Variants in MEGF11 observed in about 807,000 individuals in gnomAD.
MEGF11 encodes multiple epidermal growth factor-like domains protein 11.
A neutral mutation model predicts 146.6 loss-of-function variants in MEGF11; 126 were observed. The ratio of observed to expected loss-of-function variants is 0.86; its 90% CI spans 0.74 to 1.00. The LOEUF is 1.00. Ranked by LOEUF, MEGF11 falls within the 50% of genes least tolerant of loss-of-function variation. The probability of loss-of-function intolerance (pLI) is 0.00; values close to 1 mark genes in which losing one functional copy is unlikely to be tolerated. For missense variants in MEGF11, 1,509 were observed against 1,521.2 expected (o/e 0.99, Z 0.13); for synonymous variants, 532 against 583.4 (o/e 0.91, Z 1.27).
intron 2 of MEGF11, among the ~76,000 whole-genome samples, chr15:66,125,437 G>C (rs778092184): frequency 5.9e-5 from 9 of 152,186 alleles, no homozygotes; most frequent in Admixed American, 2.0e-4. Flanking sequence ...AGGATGAATG[G>C]GGAGCGTGCA....
chr15:66,005,495 T>C lies in MEGF11; in HGVS notation c.395-23007A>G, dbSNP rs146660908. On this transcript the variant is annotated intron_variant, in intron 5 of 25. Coordinates refer to ENST00000395614, the MANE Select transcript of MEGF11 (RefSeq NM_001385028.1). Reference sequence around the variant, plus strand: ...GATTCGTGCTCCAGTAAGTATGCAGTGGAACGATCTCTCAAGGTGGGAAGC... The same window carrying C: ...GATTCGTGCTCCAGTAAGTATGCAGCGGAACGATCTCTCAAGGTGGGAAGC... Among the ~76,000 whole-genome samples the C allele has an allele frequency of 2.5e-3, 382 of 152,322 alleles. 1 individual carries two copies. Among genetic ancestry groups the C allele is most frequent in the African/African-American group, 8.8e-3 (366 of 41,562 alleles).
At chr15:66,173,346 G>C (rs759349328) in intron 1 of MEGF11, among the ~76,000 whole-genome samples, 3 of 151,896 alleles carry the variant, frequency 2.0e-5, no homozygotes, top group Admixed American at 2.0e-4. Flanking sequence ...ATGGAGTCTC[G>C]CTCTTGTGGC....
At chr15:66,232,924 C>T (rs1489279557) in intron 1 of MEGF11, among the ~76,000 whole-genome samples, 1 of 152,196 alleles carries the variant, frequency 6.6e-6, no homozygotes, top group African/African-American at 2.4e-5. Flanking sequence ...TGTCACACTA[C>T]TAGGTGAGTG....
At chr15:65,909,635 T>C in intron 22 of MEGF11, 105 bp downstream of exon 22, 1 of 1,147,318 alleles carries the variant, frequency 8.7e-7, no homozygotes, top group Admixed American at 2.2e-5. Context: ...GGGGAAACCA[T>C]GTTCAGAACT....
At chr15:66,097,018 A>G (rs1485975443) in intron 4 of MEGF11, among the ~76,000 whole-genome samples, 1 of 152,186 alleles carries the variant, frequency 6.6e-6, no homozygotes, top group East Asian at 1.9e-4. Context: ...CTTCGGGGTC[A>G]GTTTCTGTGC....
At chr15:66,145,970 T>C (rs903979691) in intron 1 of MEGF11, among the ~76,000 whole-genome samples, 4 of 152,226 alleles carry the variant, frequency 2.6e-5, no homozygotes, top group Non-Finnish European at 5.9e-5. Context: ...GGGCGCACAG[T>C]AAACAGAAGC....
chr15:66,049,877 C>A (rs1286543113), intron 5 of MEGF11, among the ~76,000 whole-genome samples: 1 of 152,206 alleles, frequency 6.6e-6, no homozygotes, highest in East Asian at 1.9e-4. Context: ...GCGTCTAGCC[C>A]AGCCAGGGCC....
intron 5 of MEGF11, among the ~76,000 whole-genome samples, chr15:66,082,499 ATC>A (rs1567232396): frequency 1.5e-4 from 21 of 136,302 alleles, no homozygotes; most frequent in East Asian, 4.2e-4. Flanking sequence ...CTATCTATCT[ATC>A]TATCTATCTA....
chr15:65,930,972 CA>C, intron 10 of MEGF11, 29 bp from the exon 11 acceptor site: 1 of 1,544,756 alleles, frequency 6.5e-7, no homozygotes, highest in East Asian at 2.4e-5. Flanking sequence ...AATTTTGGAT[CA>C]AAGGTTGCTC....
At chr15:65,909,159 G>A (rs1317756889) in intron 22 of MEGF11, 24 bp from the exon 23 acceptor site, 2 of 1,459,516 alleles carry the variant, frequency 1.4e-6, no homozygotes. Context: ...TGACAGGGAG[G>A]AGCCATTATT....
At chr15:66,222,375 C>T (rs547489886) in intron 1 of MEGF11, among the ~76,000 whole-genome samples, 1 of 152,136 alleles carries the variant, frequency 6.6e-6, no homozygotes, top group South Asian at 2.1e-4. Context: ...TTCCTCAAAC[C>T]TACTCTCCCC....
intron 8 of MEGF11, among the ~76,000 whole-genome samples, chr15:65,965,600 C>CTTTCTTTCT (rs1555456992): frequency 2.1e-4 from 4 of 18,886 alleles, no homozygotes; most frequent in African/African-American, 4.4e-4. Flanking sequence ...TTCTTTCTTT[C>CTTTCTTTCT]TTTTTTTTTT....
chr15:65,921,573 A>C (rs2079171811), intron 15 of MEGF11: 1 of 152,358 alleles, frequency 6.6e-6, no homozygotes, highest in Admixed American at 6.5e-5. Flanking sequence ...TGTCCTAAGA[A>C]AGCCAGGGAT....
At chr15:66,199,053 C>G (rs2091084328) in intron 1 of MEGF11, among the ~76,000 whole-genome samples, 1 of 152,154 alleles carries the variant, frequency 6.6e-6, no homozygotes, top group Non-Finnish European at 1.5e-5. Flanking sequence ...GCCCTACAAC[C>G]TCTTCCTGGC....
At chr15:66,192,164 A>G (rs2090899587) in intron 1 of MEGF11, among the ~76,000 whole-genome samples, 1 of 152,032 alleles carries the variant, frequency 6.6e-6, no homozygotes, top group Non-Finnish European at 1.5e-5. Flanking sequence ...TGAACAAGGC[A>G]TTATGCTGAA....
chr15:66,125,294 C>A (rs2088281818), intron 2 of MEGF11, among the ~76,000 whole-genome samples: 1 of 152,214 alleles, frequency 6.6e-6, no homozygotes, highest in Admixed American at 6.5e-5. Flanking sequence ...AGCCCAAACC[C>A]TGTTTTAGCT....
chr15:65,949,433 C>T (rs2080313108), intron 10 of MEGF11, among the ~76,000 whole-genome samples: 1 of 152,220 alleles, frequency 6.6e-6, no homozygotes, highest in Admixed American at 6.5e-5. Context: ...GATGGAGTGC[C>T]TGCTCCCCTC....
chr15:66,172,769 C>T (rs887336065), intron 1 of MEGF11, among the ~76,000 whole-genome samples: 6 of 152,214 alleles, frequency 3.9e-5, no homozygotes, highest in African/African-American at 1.2e-4. Flanking sequence ...TGGAACCCTA[C>T]GGGAACCCTG....
intron 1 of MEGF11, among the ~76,000 whole-genome samples, chr15:66,144,535 G>T (rs1038260257): frequency 6.6e-6 from 1 of 152,166 alleles, no homozygotes; most frequent in Non-Finnish European, 1.5e-5. Flanking sequence ...AGCCATTAGT[G>T]AAGTTGCCTG....
Sources: gnomAD v4.1 joint callset for allele counts (sites outside exome capture counted in the v4.1 genomes callset) on GRCh38, gnomAD v4.1.1 for gene constraint, MANE v1.5 for transcripts, NCBI Gene and HGNC (gene_info 2026-07-23, HGNC 2026-07-21) for gene names.